SLIT3: variants seen among roughly 807,000 people sequenced by gnomAD.
The protein encoded by SLIT3 is slit homolog 3 protein.
SLIT3 carries 68 observed loss-of-function variants against 184.0 expected under a neutral mutation model. The observed-to-expected ratio is 0.37, with a 90% CI of 0.30 to 0.45. SLIT3 has a LOEUF of 0.45. Among genes scored for constraint, SLIT3 ranks in the 20% least tolerant of loss-of-function variants. SLIT3 has a pLI of 1.00. For synonymous variants in SLIT3, 831 were observed against 828.6 expected (o/e 1.00, Z -0.05); for missense variants, 1,707 against 2,026.0 (o/e 0.84, Z 3.02).
chr5:169,289,922 G>A (rs571119880), intron 1 of SLIT3, among the ~76,000 whole-genome samples: 9 of 152,076 alleles, frequency 5.9e-5, no homozygotes, highest in Non-Finnish European at 8.8e-5. Context: ...CACATACTAG[G>A]GCATATGCTA....
chr5:168,959,104 G>A (rs1370697582), intron 4 of SLIT3, among the ~76,000 whole-genome samples: 1 of 152,242 alleles, frequency 6.6e-6, no homozygotes, highest in African/African-American at 2.4e-5. Flanking sequence ...GAATGTGGTT[G>A]CTTTTCAGCC....
intron 4 of SLIT3, among the ~76,000 whole-genome samples, chr5:169,118,172 T>C (rs1760759696): frequency 6.6e-6 from 1 of 152,210 alleles, no homozygotes; most frequent in Non-Finnish European, 1.5e-5. Flanking sequence ...AGTAAGACCT[T>C]GTCTCTAAAG....
chr5:169,126,377 C>T (rs146949500), intron 4 of SLIT3, among the ~76,000 whole-genome samples: 29 of 152,278 alleles, frequency 1.9e-4, no homozygotes, highest in Admixed American at 1.0e-3. Flanking sequence ...TGAGACCTCA[C>T]GCAGGCAACA....
chr5:168,999,589 T>C lies in SLIT3; in HGVS notation c.414-116253A>G, dbSNP rs576284364. Among the ~76,000 whole-genome samples the C allele has an allele frequency of 3.0e-3, 459 of 152,238 alleles. 1 individual carries two copies. Among genetic ancestry groups the C allele is most frequent in the Middle Eastern group, 6.8e-3 (2 of 294 alleles). On this transcript the variant is annotated intron_variant, in intron 4 of 35. Coordinates refer to ENST00000519560, the MANE Select transcript of SLIT3 (RefSeq NM_003062.4). ...TGAACTCCTCTGAAGGACTCAGGGA[T>C]CTGGTCCCCACTCACATTGGCTTCC... is the stretch of plus-strand genomic sequence containing the variant.
At chr5:169,095,271 A>C (rs1273840996) in intron 4 of SLIT3, among the ~76,000 whole-genome samples, 1 of 152,162 alleles carries the variant, frequency 6.6e-6, no homozygotes, top group East Asian at 1.9e-4. Flanking sequence ...CTGATTGCCT[A>C]ATGTTAAAAA....
At chr5:168,937,928 T>C (rs551300469) in intron 4 of SLIT3, among the ~76,000 whole-genome samples, 2 of 152,288 alleles carry the variant, frequency 1.3e-5, no homozygotes, top group South Asian at 4.1e-4. Context: ...CTAAAGCTTC[T>C]GATCAGAAAT....
chr5:168,870,552 C>T (rs995796510), intron 5 of SLIT3, among the ~76,000 whole-genome samples: 1 of 152,180 alleles, frequency 6.6e-6, no homozygotes, highest in African/African-American at 2.4e-5. Flanking sequence ...CTCTTTTATG[C>T]TGTCCCTACC....
chr5:169,129,183 G>A (rs780832555), intron 4 of SLIT3, among the ~76,000 whole-genome samples: 2 of 152,174 alleles, frequency 1.3e-5, no homozygotes, highest in Admixed American at 6.5e-5. Context: ...AGGAGAGCAC[G>A]TGTGAGTAAG....
chr5:168,838,983 T>C (rs1581132641), intron 6 of SLIT3, among the ~76,000 whole-genome samples: 2 of 152,204 alleles, frequency 1.3e-5, no homozygotes, highest in Admixed American at 1.3e-4. Flanking sequence ...GCTCTTGTGA[T>C]GAAGACGTGG....
At chr5:169,082,066 A>G (rs1184383965) in intron 4 of SLIT3, among the ~76,000 whole-genome samples, 3 of 152,202 alleles carry the variant, frequency 2.0e-5, no homozygotes, top group African/African-American at 7.2e-5. Flanking sequence ...GATCCTTATT[A>G]TTAGCACATT....
chr5:169,079,535 GAGGAGGAAGA>G (rs1311538940), intron 4 of SLIT3, among the ~76,000 whole-genome samples: 2 of 116,992 alleles, frequency 1.7e-5, no homozygotes, highest in Non-Finnish European at 3.7e-5. Flanking sequence ...GAGGAAGGAG[GAGGAGGAAGA>G]AGGAGGAAGA....
At chr5:168,910,618 C>T (rs1312582841) in intron 4 of SLIT3, among the ~76,000 whole-genome samples, 10 of 151,736 alleles carry the variant, frequency 6.6e-5, no homozygotes, top group Admixed American at 3.3e-4. Context: ...TGGTGGCAGG[C>T]GCCTGTAGTC....
At chr5:169,176,963 G>T (rs947715011) in intron 4 of SLIT3, among the ~76,000 whole-genome samples, 4 of 152,292 alleles carry the variant, frequency 2.6e-5, no homozygotes, top group African/African-American at 9.6e-5. Context: ...TCCCCCCTCT[G>T]CCTTTGAGAA....
At chr5:168,907,979 T>TATATATATAGAGAGAGAG (rs376418381) in intron 4 of SLIT3, among the ~76,000 whole-genome samples, 21 of 50,066 alleles carry the variant, frequency 4.2e-4, no homozygotes, top group Non-Finnish European at 5.2e-4. Flanking sequence ...TATATATATA[T>TATATATATAGAGAGAGAG]AGAGAGAGAG....
intron 5 of SLIT3, among the ~76,000 whole-genome samples, chr5:168,861,962 C>G (rs7727949): frequency 2.0e-5 from 3 of 152,104 alleles, no homozygotes; most frequent in South Asian, 2.1e-4. Context: ...GCTTAGCAGC[C>G]GTGAGAGCAT....
Position 168,806,434 on chromosome 5 carries a change from A to G in SLIT3, c.935+12T>C, listed in dbSNP as rs773209530. 3 of 1,614,126 alleles carry G rather than the reference A, an allele frequency of 1.9e-6. No individual in the cohort carries two copies. The highest frequency in any genetic ancestry group is 2.5e-6 in the Non-Finnish European group (3 of 1,179,948). On this transcript the variant is annotated intron_variant, in intron 9 of 35. Coordinates refer to ENST00000519560, the MANE Select transcript of SLIT3 (RefSeq NM_003062.4). Reference sequence around the variant, plus strand: ...GCGACAGTTGTTGGGGGTGTCAGACAGGTGCACTTACATTTCGACGATGCC... The same window carrying G: ...GCGACAGTTGTTGGGGGTGTCAGACGGGTGCACTTACATTTCGACGATGCC...
At chr5:169,285,906 A>G (rs1467423759) in intron 1 of SLIT3, among the ~76,000 whole-genome samples, 1 of 152,228 alleles carries the variant, frequency 6.6e-6, no homozygotes, top group Admixed American at 6.5e-5. Context: ...ATGGAGCAGA[A>G]ATAAGCCATC....
chr5:169,201,470 T>A (rs1204051328), intron 3 of SLIT3, among the ~76,000 whole-genome samples: 1 of 152,226 alleles, frequency 6.6e-6, no homozygotes, highest in Non-Finnish European at 1.5e-5. Context: ...TTGCAATGTT[T>A]CTCAAGGGCT....
chr5:168,884,421 T>A (rs1488904747), intron 4 of SLIT3, among the ~76,000 whole-genome samples: 24 of 52,172 alleles, frequency 4.6e-4, no homozygotes, highest in African/African-American at 1.1e-3. Flanking sequence ...TCTCTCTCTC[T>A]CTCTCTCACA....
Sources: allele counts gnomAD v4.1 joint callset (sites outside exome capture counted in the v4.1 genomes callset), GRCh38; gene constraint gnomAD v4.1.1; transcripts MANE v1.5; gene names NCBI Gene and HGNC (gene_info 2026-07-23, HGNC 2026-07-21).